The following BRD1 variants were observed in gnomAD, a reference collection of about 807,000 sequenced individuals.
BRD1 encodes the protein bromodomain-containing protein 1.
A neutral mutation model predicts 107.7 loss-of-function variants in BRD1; 24 were observed. The observed-to-expected ratio is 0.22, with a 90% CI of 0.16 to 0.31. The LOEUF (loss-of-function observed/expected upper bound fraction) is 0.31. Among genes scored for constraint, BRD1 ranks in the 10% least tolerant of loss-of-function variants. The pLI is 1.00. For missense variants in BRD1, 1,279 were observed against 1,638.6 expected, an observed-to-expected ratio of 0.78 and a Z score of 3.79; for synonymous variants, 744 against 686.1, an observed-to-expected ratio of 1.08 and a Z score of -1.32.
At position 49,805,769 on chromosome 22, in the gene BRD1, T is replaced by A. The variant is rs1324315981; in HGVS notation, c.1368-1409A>T. On this transcript the variant is annotated intron_variant, in intron 2 of 12. Transcript: ENST00000404760. ...TTTTTTTTTTTTTTTTGAGATGGAG[T>A]CTCACTCTATTGCCCAGGCTGGAGT... The A allele has an allele frequency of 6.3e-5, 9 of 143,094 alleles. No individual in the cohort carries two copies. The Admixed American group carries it at 6.6e-4, about 10-fold the overall frequency. 8.9% of individuals were successfully genotyped at this position (143,094 alleles called of 1,614,324 possible).
At position 49,798,541 on chromosome 22, in the gene BRD1, G is replaced by A. The variant is rs2059579810; in HGVS notation, c.1785+17C>T. 6.2e-7 allele frequency: 1 copy of A among 1,614,124 alleles called. No individual in the cohort carries two copies. Among genetic ancestry groups the A allele is most frequent in the East Asian group, 2.2e-5 (1 of 44,892 alleles). ...GTCACACATGCGGCAGGACAGACGA[G>A]CGCCGCAAACACCCACCTCCTTCAG... is the stretch of plus-strand genomic sequence containing the variant. On this transcript the variant is annotated intron_variant, in intron 5 of 12. Coordinates refer to ENST00000404760, the MANE Select transcript of BRD1 (RefSeq NM_001304808.3).
chr22:49,811,595 G>A lies in BRD1; in HGVS notation c.1368-7235C>T, dbSNP rs7292385. On this transcript the variant is annotated intron_variant, in intron 2 of 12. Coordinates refer to ENST00000404760, the MANE Select transcript of BRD1 (RefSeq NM_001304808.3). ...TTCACGCTCCCGGCAGGCAGGACAC[G>A]ACAGGGAGACTGTGATCACGCTGCT... 9.2e-3 allele frequency among the ~76,000 whole-genome samples: 1,398 copies of A among 152,340 alleles called. 24 individuals are homozygous for A. Among genetic ancestry groups the A allele is most frequent in the African/African-American group, 0.032 (1,350 of 41,562 alleles).
chr22:49,826,095 G>A (rs1421334095), intron 1 of BRD1: 37 of 889,288 alleles, frequency 4.2e-5, no homozygotes, highest in Non-Finnish European at 4.8e-5. Flanking sequence ...AGTGCACCCG[G>A]GACGCCGACA....
rs376099852 is a variant in BRD1 at position 49,777,152 on chromosome 22, C to A, written c.3003G>T (p.Ala1001=). ...NSPLCDSSFN[A]PKCGRGKPAL... is the part of the protein sequence containing the mutation. ...CCGGTTTGCCCCGCCCACATTTGGG[C>A]GCATTAAAGCTTCGGGAGGAAGAGC... The change falls in exon 10 of 13, where the codon GCG becomes GCT. Residue 1001 remains alanine (A), a synonymous_variant. Transcript: ENST00000404760. 4 of 1,612,972 alleles carry A rather than the reference C, an allele frequency of 2.5e-6. No homozygotes were observed. Among genetic ancestry groups the A allele is most frequent in the Non-Finnish European group, 3.4e-6 (4 of 1,179,932 alleles).
intron 7 of BRD1, among the ~76,000 whole-genome samples, chr22:49,788,680 G>C (rs895999143): frequency 3.3e-5 from 5 of 152,172 alleles, no homozygotes; most frequent in African/African-American, 1.2e-4. Flanking sequence ...CAGGGGGCCG[G>C]ACAGGCTCTG....
Position 49,775,820 on chromosome 22 carries a change from C to CGCCG in BRD1, c.3232-76_3232-75insCGGC, listed in dbSNP as rs1365387670. ...CAACCCCACCTGTCACTGGCACCCC[C>CGCCG]CCCCGCCTCCCCACCCCAGCTGTGT... On this transcript the variant is annotated intron_variant, in intron 11 of 12. Transcript: ENST00000404760. 1,655 of 1,360,488 alleles carry CGCCG rather than the reference C, an allele frequency of 1.2e-3. 42 individuals carry two copies. The East Asian group carries it at 0.015, about 13-fold the overall frequency. 84.3% of individuals were successfully genotyped at this position (1,360,488 alleles called of 1,614,324 possible). A position where few individuals can be genotyped will look rare whatever the true frequency, so the allele number is the denominator to read the frequency against.
chr22:49,793,912 G>C, intron 7 of BRD1, 122 bp downstream of exon 7: 2 of 1,353,802 alleles, frequency 1.5e-6, no homozygotes, highest in Non-Finnish European at 1.0e-6. Flanking sequence ...TTACGGAACT[G>C]GCGCTAACCT....
chr22:49,820,367 T>C (rs987587634), intron 2 of BRD1, among the ~76,000 whole-genome samples: 1 of 152,020 alleles, frequency 6.6e-6, no homozygotes, highest in South Asian at 2.1e-4. Context: ...AGGTGGGTCC[T>C]ACACCGGAGC....
At chr22:49,789,872 G>A (rs1300000904) in intron 7 of BRD1, among the ~76,000 whole-genome samples, 4 of 152,110 alleles carry the variant, frequency 2.6e-5, no homozygotes, top group Non-Finnish European at 4.4e-5. Flanking sequence ...TCCAGCTCTC[G>A]GCCCAGCTAG....
chr22:49,778,556 A>C (rs1204644174), intron 8 of BRD1, among the ~76,000 whole-genome samples: 2 of 152,224 alleles, frequency 1.3e-5, no homozygotes, highest in East Asian at 3.9e-4. Flanking sequence ...ACGGGAAACA[A>C]CACATCTGCC....
intron 7 of BRD1, among the ~76,000 whole-genome samples, chr22:49,788,213 C>A (rs2059366702): frequency 6.6e-6 from 1 of 152,188 alleles, no homozygotes; most frequent in African/African-American, 2.4e-5. Context: ...AATTCACTTA[C>A]CTTGAGGAAG....
Position 49,787,429 on chromosome 22 carries a change from C to T in BRD1, c.2818G>A (p.Glu940Lys), listed in dbSNP as rs768957303. 30 of 1,614,092 alleles carry T rather than the reference C, an allele frequency of 1.9e-5. No homozygotes were observed. Among genetic ancestry groups the T allele is most frequent in the Non-Finnish European group, 2.4e-5 (28 of 1,180,024 alleles). Reference sequence around the variant, plus strand: ...TTTCCTGGGGACTCCTCCTCCACCTCGGAGTCTCCGCATGTGCTCCGCGAC... The same window carrying T: ...TTTCCTGGGGACTCCTCCTCCACCTTGGAGTCTCCGCATGTGCTCCGCGAC... ...KRSRSTCGDS[E>K]VEEESPGKRL... Residue 940 changes from glutamate (E) to lysine (K), a missense_variant, in exon 8 of 13, where the codon GAG becomes AAG. Around this residue, in one of 7 missense-constraint regions of BRD1, gnomAD observed 263 missense variants for 251.6 expected, o/e 1.05. Transcript: ENST00000404760.
At position 49,824,771 on chromosome 22, in the gene BRD1, A is replaced by T. The variant is rs993453876; in HGVS notation, c.-14-440T>A. 9.8e-7 allele frequency: 1 copy of T among 1,023,610 alleles called. No individual in the cohort carries two copies. The allele number at this position is 1,023,610 out of a possible 1,614,324, so 63.4% of individuals were successfully genotyped here. A position where few individuals can be genotyped will look rare whatever the true frequency, so the allele number is the denominator to read the frequency against. ...GGCACAGAGGCTATGCCCACCAGAC[A>T]GGCATGCTCAGTGGCTACCTGGTCC... On this transcript the variant is annotated intron_variant, in intron 1 of 12. Transcript: ENST00000404760. The surrounding 1 kb of genome is among the most constrained non-coding windows in gnomAD (Gnocchi z 5.9).
intron 2 of BRD1, among the ~76,000 whole-genome samples, chr22:49,815,467 CA>C (rs1271538851): frequency 3.4e-4 from 52 of 151,990 alleles, no homozygotes; most frequent in African/African-American, 1.2e-3. Flanking sequence ...CGCTTGAACC[CA>C]GGGGGCAGAG....
At chr22:49,801,522 G>A (rs1003869762) in intron 3 of BRD1, among the ~76,000 whole-genome samples, 2 of 152,176 alleles carry the variant, frequency 1.3e-5, no homozygotes, top group African/African-American at 4.8e-5. Context: ...CCAGGAGAAG[G>A]CAGAAGCACA....
intron 2 of BRD1, among the ~76,000 whole-genome samples, chr22:49,809,840 A>T (rs2059816915): frequency 6.6e-6 from 1 of 152,192 alleles, no homozygotes; most frequent in Admixed American, 6.5e-5. Flanking sequence ...GAACTGTTAA[A>T]CCTACAAGCC....
At chr22:49,784,966 A>C (rs1457285829) in intron 8 of BRD1, among the ~76,000 whole-genome samples, 1 of 152,196 alleles carries the variant, frequency 6.6e-6, no homozygotes, top group Non-Finnish European at 1.5e-5. Context: ...GAAATGAGAG[A>C]GCAGAAATCT....
chr22:49,798,396 A>G (rs1217834182), intron 5 of BRD1, among the ~76,000 whole-genome samples, 162 bp downstream of exon 5: 1 of 152,254 alleles, frequency 6.6e-6, no homozygotes, highest in Admixed American at 6.5e-5. Flanking sequence ...TTTTACAATG[A>G]AATGTATCAC....
At chr22:49,794,978 A>C (rs2147114155) in intron 6 of BRD1, among the ~76,000 whole-genome samples, 1 of 152,350 alleles carries the variant, frequency 6.6e-6, no homozygotes, top group African/African-American at 2.4e-5. Context: ...ATCTGAAGAT[A>C]AAACCAGAGC....
Sources: gnomAD v4.1 joint callset for allele counts (sites outside exome capture counted in the v4.1 genomes callset) on GRCh38, gnomAD v4.1.1 for gene constraint, gnomAD v4.1.1 regional missense constraint, Gnocchi (gnomAD v3.1) non-coding constraint, MANE v1.5 for transcripts, NCBI Gene and HGNC (gene_info 2026-07-23, HGNC 2026-07-21) for gene names.